NRXN3: variants seen among roughly 807,000 people sequenced by gnomAD.
The protein encoded by NRXN3 is neurexin 3, also known as neurexin III.
Under a neutral mutation model 137.6 loss-of-function variants are expected in NRXN3, and 32 were observed. The ratio of observed to expected loss-of-function variants is 0.23; its 90% CI spans 0.18 to 0.31. NRXN3 has a LOEUF of 0.31. Among genes scored for constraint, NRXN3 ranks in the 10% least tolerant of loss-of-function variants. The pLI, the probability that NRXN3 is intolerant of heterozygous loss-of-function variation, is 1.00. For missense variants in NRXN3, 1,574 were observed against 2,062.5 expected (o/e 0.76, Z 4.59); for synonymous variants, 798 against 784.5 (o/e 1.02, Z -0.29).
chr14:79,706,114 G>T (rs1567954117), intron 19 of NRXN3, among the ~76,000 whole-genome samples: 1 of 152,060 alleles, frequency 6.6e-6, no homozygotes, highest in East Asian at 1.9e-4. Flanking sequence ...GGCACCACTG[G>T]GTTTGCTGCT....
intron 15 of NRXN3, among the ~76,000 whole-genome samples, chr14:78,999,247 C>A (rs2099536652): frequency 6.6e-6 from 1 of 151,974 alleles, no homozygotes; most frequent in African/African-American, 2.4e-5. Flanking sequence ...ATTATTGGTA[C>A]CTTTGATTTA....
chr14:79,216,163 G>A (rs543274284), intron 15 of NRXN3, among the ~76,000 whole-genome samples: 2 of 152,160 alleles, frequency 1.3e-5, no homozygotes, highest in Non-Finnish European at 2.9e-5. Context: ...TCACGTGTCT[G>A]TGTCTGAGCC....
In NRXN3 at chr14:79,864,915, C is replaced by A. The variant is rs1238278614; in HGVS notation, c.*2951C>A. ...TACAGGTGCCCGCCACCACGCCCGG[C>A]TAATTTTTTGTATTTTTCGTAGAGA... On this transcript the variant is annotated 3_prime_UTR_variant, in exon 21 of 21. Transcript: ENST00000335750. 6.6e-6 allele frequency: 1 copy of A among 152,180 alleles called. No homozygotes were observed. The highest frequency in any genetic ancestry group is 2.4e-5 in the African/African-American group (1 of 41,398). The allele number at this position is 152,180 out of a possible 1,614,324, so 9.4% of individuals were successfully genotyped here.
rs1208381752 is a variant in NRXN3, at chr14:78,405,422, GGAA to G, written c.757+107565_757+107567del. On this transcript the variant is annotated intron_variant, in intron 4 of 20. Transcript: ENST00000335750. Reference sequence around the variant, plus strand: ...CTTTCCCCTATTTGAAACTGAATCAGGAAGATCATATTTCCCTTCCGATCCTGC... The same window carrying G: ...CTTTCCCCTATTTGAAACTGAATCAGGATCATATTTCCCTTCCGATCCTGC... 2.0e-5 allele frequency among the ~76,000 whole-genome samples: 3 copies of G among 152,180 alleles called. No individual in the cohort carries two copies. In the East Asian group the frequency reaches 5.8e-4, roughly 29 times the overall value.
chr14:78,251,358 C>T (rs930281388), intron 2 of NRXN3, among the ~76,000 whole-genome samples: 1 of 152,182 alleles, frequency 6.6e-6, no homozygotes, highest in African/African-American at 2.4e-5. Flanking sequence ...GTGGATTTAC[C>T]ATGAAACTAA....
chr14:79,257,343 C>CTGGTGGTGGTGGTGGTGGTGG (rs577147425), intron 15 of NRXN3, among the ~76,000 whole-genome samples: 1 of 12,692 alleles, frequency 7.9e-5, no homozygotes, highest in Non-Finnish European at 1.5e-4. Context: ...TGTCTTATTC[C>CTGGTGGTGGTGGTGGTGGTGG]TGGTGGTGGT....
At chr14:78,845,035 C>T (rs1455037441) in intron 10 of NRXN3, among the ~76,000 whole-genome samples, 1 of 151,414 alleles carries the variant, frequency 6.6e-6, no homozygotes. Context: ...AGTAACAAAC[C>T]AGTGATGTCT....
At chr14:79,854,159 A>G in intron 20 of NRXN3, 1 of 983,378 alleles carries the variant, frequency 1.0e-6, no homozygotes, top group Non-Finnish European at 1.2e-6. Flanking sequence ...GCATTCTTAC[A>G]CAACTTTCTT....
intron 1 of NRXN3, among the ~76,000 whole-genome samples, chr14:78,194,483 G>C (rs934591727): frequency 6.6e-6 from 1 of 152,170 alleles, no homozygotes; most frequent in Admixed American, 6.5e-5. Flanking sequence ...TCAGAGTGTG[G>C]GCTCCTAGAA....
intron 8 of NRXN3, among the ~76,000 whole-genome samples, chr14:78,763,526 A>G (rs1335755303): frequency 6.6e-6 from 1 of 151,912 alleles, no homozygotes; most frequent in Non-Finnish European, 1.5e-5. Flanking sequence ...ATTTACAATT[A>G]TAGCTAAATA....
chr14:79,253,540 T>C lies in NRXN3; in HGVS notation c.3263-213681T>C, dbSNP rs548422571. ...GTTTCTTCTTATATTGCTACTCTTA[T>C]TCTTCTTATACTACCTGAAACAGGG... On this transcript the variant is annotated intron_variant, in intron 15 of 20. Coordinates refer to ENST00000335750, the MANE Select transcript of NRXN3 (RefSeq NM_001330195.2). Among the ~76,000 whole-genome samples, 6 of 152,348 alleles carry C rather than the reference T, an allele frequency of 3.9e-5. No homozygotes were observed. The South Asian group carries it at 1.2e-3, about 32-fold the overall frequency.
In NRXN3 at chr14:79,015,991, G is replaced by A. The variant is rs77179951; in HGVS notation, c.3262+27850G>A. Reference sequence around the variant, plus strand: ...GTGCCTTCCCAGTGTGTAGGAACAGGACTGAAAGGGCCGTTTTTCTTGGCT... The same window carrying A: ...GTGCCTTCCCAGTGTGTAGGAACAGAACTGAAAGGGCCGTTTTTCTTGGCT... On this transcript the variant is annotated intron_variant, in intron 15 of 20. Coordinates refer to ENST00000335750, the MANE Select transcript of NRXN3 (RefSeq NM_001330195.2). Among the ~76,000 whole-genome samples the A allele has an allele frequency of 3.6e-3, 546 of 152,246 alleles. 1 individual carries two copies. The highest frequency in any genetic ancestry group is 6.0e-3 in the Non-Finnish European group (405 of 68,014).
chr14:79,375,407 C>T (rs1269567217), intron 15 of NRXN3, among the ~76,000 whole-genome samples: 2 of 150,774 alleles, frequency 1.3e-5, no homozygotes, highest in Non-Finnish European at 2.9e-5. Flanking sequence ...AGGAATGGAT[C>T]GTACATGCTC....
chr14:79,230,924 C>T (rs1365873199), intron 15 of NRXN3, among the ~76,000 whole-genome samples: 2 of 152,128 alleles, frequency 1.3e-5, no homozygotes, highest in Non-Finnish European at 2.9e-5. Flanking sequence ...CTTTTCTTAG[C>T]ATACAAGAGT....
At chr14:79,035,682 A>G (rs2099614883) in intron 15 of NRXN3, among the ~76,000 whole-genome samples, 1 of 152,070 alleles carries the variant, frequency 6.6e-6, no homozygotes, top group African/African-American at 2.4e-5. Flanking sequence ...TTCCGTTTCT[A>G]CACAGTGGAA....
chr14:78,194,250 G>A (rs947575980), intron 1 of NRXN3, among the ~76,000 whole-genome samples: 4 of 152,236 alleles, frequency 2.6e-5, no homozygotes, highest in African/African-American at 9.6e-5. Context: ...GTACAGGACT[G>A]CAACATTTTT....
At chr14:79,354,092 G>A (rs1216887797) in intron 15 of NRXN3, among the ~76,000 whole-genome samples, 1 of 152,096 alleles carries the variant, frequency 6.6e-6, no homozygotes, top group East Asian at 1.9e-4. Context: ...ACACATTCTT[G>A]TTCTTTTAGT....
At chr14:78,667,440 T>G (rs972409101) in intron 6 of NRXN3, among the ~76,000 whole-genome samples, 2 of 152,218 alleles carry the variant, frequency 1.3e-5, no homozygotes, top group African/African-American at 2.4e-5. Context: ...CATAGCCATT[T>G]GTTAGCTTTT....
At chr14:78,463,294 G>A (rs77693070) in intron 4 of NRXN3, among the ~76,000 whole-genome samples, 2,283 of 152,126 alleles carry the variant, frequency 0.015, 56 homozygotes, top group African/African-American at 0.053. Flanking sequence ...GTCACCAGTT[G>A]ATGGACACTT....
Sources: allele counts gnomAD v4.1 joint callset (sites outside exome capture counted in the v4.1 genomes callset), GRCh38; gene constraint gnomAD v4.1.1; transcripts MANE v1.5; gene names NCBI Gene and HGNC (gene_info 2026-07-23, HGNC 2026-07-21).